Variants in SLC45A4 observed in about 807,000 individuals in gnomAD.
The protein encoded by SLC45A4 is solute carrier family 45 member 4, also known as polyamine-transporter SLC45A4.
In SLC45A4, 32 loss-of-function variants were observed where a neutral mutation model predicts 63.7. The observed-to-expected ratio is 0.50, with a 90% CI of 0.38 to 0.67. The LOEUF (loss-of-function observed/expected upper bound fraction) is 0.67, where lower values mean the gene tolerates loss of function less well. Ranked by LOEUF, SLC45A4 falls within the 30% of genes least tolerant of loss-of-function variation. The pLI is 0.00. For missense variants in SLC45A4, 1,027 were observed against 1,157.7 expected, an observed-to-expected ratio of 0.89 and a Z score of 1.64; for synonymous variants, 535 against 510.0, an observed-to-expected ratio of 1.05 and a Z score of -0.66.
intron 1 of SLC45A4, among the ~76,000 whole-genome samples, chr8:141,291,311 G>A (rs1045411787): frequency 2.6e-5 from 4 of 152,260 alleles, no homozygotes; most frequent in African/African-American, 9.6e-5. Context: ...CCAGTCTGGA[G>A]AAAGAGGGCT....
Position 141,269,166 on chromosome 8 carries a change from T to C in SLC45A4, c.-400-14537A>G, listed in dbSNP as rs559516302. ...ACAGCTCCAGGCTGCGCTGTCACCC[T>C]GGCGGGGCAGCTACTACGTCCCCGC... On this transcript the variant is annotated intron_variant, in intron 1 of 8. Transcript: ENST00000517878. 3.2e-3 allele frequency among the ~76,000 whole-genome samples: 488 copies of C among 152,346 alleles called. 4 individuals carry two copies. The highest frequency in any genetic ancestry group is 3.7e-3 in the Non-Finnish European group (254 of 68,026).
intron 2 of SLC45A4, among the ~76,000 whole-genome samples, chr8:141,241,635 T>G (rs902003400): frequency 1.8e-4 from 27 of 151,962 alleles, no homozygotes; most frequent in Non-Finnish European, 3.8e-4. Flanking sequence ...GGGCTGGCTC[T>G]GTGGGGCAGG....
At chr8:141,236,765 T>C (rs538511990) in intron 2 of SLC45A4, among the ~76,000 whole-genome samples, 35 of 152,372 alleles carry the variant, frequency 2.3e-4, no homozygotes, top group Non-Finnish European at 3.8e-4. Context: ...TTTTGATACA[T>C]GTTTTAGGGA....
intron 1 of SLC45A4, among the ~76,000 whole-genome samples, chr8:141,264,818 A>T (rs1248704919): frequency 2.0e-5 from 3 of 152,172 alleles, no homozygotes; most frequent in African/African-American, 7.2e-5. Flanking sequence ...TATGTTTTCT[A>T]ACTGGCTAGA....
intron 1 of SLC45A4, among the ~76,000 whole-genome samples, chr8:141,286,004 G>A (rs1055772698): frequency 6.6e-6 from 1 of 152,230 alleles, no homozygotes; most frequent in African/African-American, 2.4e-5. Context: ...GGGCAGACGT[G>A]AGCGGCACCT....
intron 2 of SLC45A4, 53 bp from the exon 3 acceptor site, chr8:141,221,818 A>T: frequency 6.3e-7 from 1 of 1,583,384 alleles, no homozygotes; most frequent in South Asian, 1.1e-5. Flanking sequence ...GGGCTCTGCC[A>T]CAGTTTTCCT....
intron 2 of SLC45A4, among the ~76,000 whole-genome samples, chr8:141,237,596 C>T (rs772040526): frequency 2.6e-5 from 4 of 152,132 alleles, no homozygotes; most frequent in Non-Finnish European, 5.9e-5. Flanking sequence ...TCCTCCAGAC[C>T]TGGAGGGCCT....
Position 141,215,254 on chromosome 8 carries a change from G to C in SLC45A4, c.1941+505C>G, listed in dbSNP as rs1226855742. On this transcript the variant is annotated intron_variant, in intron 7 of 8. Coordinates refer to ENST00000517878, the MANE Select transcript of SLC45A4 (RefSeq NM_001286646.2). This position sits in a 1 kb window ranked among gnomAD's most constrained non-coding sequence, Gnocchi z 4.3. Reference sequence around the variant, plus strand: ...TACACACAATTTCAACGATGAGCAAGAGTGTAAGGTATCTCGATGACTTTT... The same window carrying C: ...TACACACAATTTCAACGATGAGCAACAGTGTAAGGTATCTCGATGACTTTT... Among the ~76,000 whole-genome samples the C allele has an allele frequency of 6.6e-6, 1 of 152,252 alleles. No homozygotes were observed. Among genetic ancestry groups the C allele is most frequent in the African/African-American group, 2.4e-5 (1 of 41,478 alleles).
chr8:141,294,809 G>T (rs760176889), intron 1 of SLC45A4, among the ~76,000 whole-genome samples: 1 of 152,192 alleles, frequency 6.6e-6, no homozygotes, highest in Non-Finnish European at 1.5e-5. Flanking sequence ...CCCTGGGAGG[G>T]AATCAGCTCC....
chr8:141,254,287 A>G lies in SLC45A4; in HGVS notation c.-58T>C. On this transcript the variant is annotated 5_prime_UTR_variant, in exon 2 of 9. An upstream start codon of the reference 5' UTR is lost. Coordinates refer to ENST00000517878, the MANE Select transcript of SLC45A4 (RefSeq NM_001286646.2). The surrounding 1 kb of genome is among the most constrained non-coding windows in gnomAD (Gnocchi z 4.5). ...TTCTATCTATATAAATAATGCTTTCATATATCTGTAATGATAAATTAAGAC... is the reference window on the plus strand; with the variant it reads ...TTCTATCTATATAAATAATGCTTTCGTATATCTGTAATGATAAATTAAGAC... 7.0e-7 allele frequency: 1 copy of G among 1,424,820 alleles called. No individual in the cohort carries two copies. Among genetic ancestry groups the G allele is most frequent in the Non-Finnish European group, 9.2e-7 (1 of 1,082,442 alleles). 88.3% of individuals were successfully genotyped at this position (1,424,820 alleles called of 1,614,324 possible).
At chr8:141,305,524 C>T (rs1263521025) in intron 1 of SLC45A4, among the ~76,000 whole-genome samples, 1 of 152,234 alleles carries the variant, frequency 6.6e-6, no homozygotes, top group African/African-American at 2.4e-5. Flanking sequence ...AGGAACGCGG[C>T]TTCCAGCATA....
At chr8:141,235,440 G>C (rs762959516) in intron 2 of SLC45A4, among the ~76,000 whole-genome samples, 42 of 152,322 alleles carry the variant, frequency 2.8e-4, no homozygotes, top group Non-Finnish European at 4.6e-4. Context: ...CGGTGACGAG[G>C]AGGACGTATT....
At chr8:141,287,174 T>C (rs1830179224) in intron 1 of SLC45A4, among the ~76,000 whole-genome samples, 1 of 152,114 alleles carries the variant, frequency 6.6e-6, no homozygotes, top group Non-Finnish European at 1.5e-5. Context: ...GTGTGTATCA[T>C]CATGAGAGAG....
rs1825635062 is a variant in SLC45A4 at position 141,208,455 on chromosome 8, C to A, written c.*3117G>T. ...CCACACCTGGGGCATTCAAGAAACA[C>A]TCCTGATGGCTGTTGGAAGCCACTA... On this transcript the variant is annotated 3_prime_UTR_variant, in exon 9 of 9. Transcript: ENST00000517878. 1 of 152,250 alleles carries A rather than the reference C, an allele frequency of 6.6e-6. No homozygotes were observed. The highest frequency in any genetic ancestry group is 2.4e-5 in the African/African-American group (1 of 41,430). 9.4% of individuals were successfully genotyped at this position (152,250 alleles called of 1,614,324 possible).
rs561434970 is a variant in SLC45A4 at position 141,241,558 on chromosome 8, C to T, written c.241+12431G>A. Among the ~76,000 whole-genome samples the T allele has an allele frequency of 4.6e-5, 7 of 151,932 alleles. No homozygotes were observed. The East Asian group carries it at 1.4e-3, about 29-fold the overall frequency. On this transcript the variant is annotated intron_variant, in intron 2 of 8. Transcript: ENST00000517878. ...AAAAACAGTGCCTTTGCATCCATTA[C>T]AATACAGTCAAAGAAAAAAAAAAGA...
At chr8:141,226,238 G>A (rs2043422) in intron 2 of SLC45A4, 48,741 of 152,190 alleles carry the variant, frequency 0.32, 8,000 homozygotes, top group South Asian at 0.41. Flanking sequence ...TCTACACGTC[G>A]GGACTGGCAC....
At chr8:141,220,303 C>T (rs1826528773) in intron 3 of SLC45A4, among the ~76,000 whole-genome samples, 1 of 152,126 alleles carries the variant, frequency 6.6e-6, no homozygotes. Context: ...GCTGGGCCTG[C>T]TCTAGGTCTG....
chr8:141,216,290 T>G (rs971444625), intron 6 of SLC45A4, among the ~76,000 whole-genome samples: 1 of 152,222 alleles, frequency 6.6e-6, no homozygotes. Flanking sequence ...CTCAGTGGCC[T>G]TCTCTGGCCG....
chr8:141,276,876 C>T (rs745868403), intron 1 of SLC45A4, among the ~76,000 whole-genome samples: 9 of 152,240 alleles, frequency 5.9e-5, no homozygotes, highest in Non-Finnish European at 7.3e-5. Context: ...AAACACCTCA[C>T]GCGGGCTCCT....
Sources: gnomAD v4.1 joint callset for allele counts (sites outside exome capture counted in the v4.1 genomes callset) on GRCh38, gnomAD v4.1.1 for gene constraint, Gnocchi (gnomAD v3.1) non-coding constraint, MANE v1.5 for transcripts, NCBI Gene and HGNC (gene_info 2026-07-23, HGNC 2026-07-21) for gene names.